The following ASXL2 variants were observed in gnomAD, a reference collection of about 807,000 sequenced individuals.
The protein encoded by ASXL2 is putative Polycomb group protein ASXL2.
Under a neutral mutation model 122.0 loss-of-function variants are expected in ASXL2, and 23 were observed. The ratio of observed to expected loss-of-function variants is 0.19; its 90% CI spans 0.14 to 0.27. The LOEUF is 0.27. ASXL2 is among the 10% of genes least tolerant of loss of function. The pLI is 1.00. For missense variants in ASXL2, 1,518 were observed against 1,713.8 expected (o/e 0.89, Z 2.02); for synonymous variants, 650 against 637.0 (o/e 1.02, Z -0.31).
chr2:25,754,439 G>GA (rs1397137968), intron 10 of ASXL2, among the ~76,000 whole-genome samples: 1 of 152,154 alleles, frequency 6.6e-6, no homozygotes, highest in Non-Finnish European at 1.5e-5. Context: ...CTGGGGGTGA[G>GA]AAGAAGGAGA....
chr2:25,817,371 T>A (rs1485337291), intron 3 of ASXL2, among the ~76,000 whole-genome samples: 2 of 152,242 alleles, frequency 1.3e-5, no homozygotes, highest in African/African-American at 2.4e-5. Flanking sequence ...TTCTATTTTG[T>A]TTTTCCTCAA....
chr2:25,798,636 C>G (rs899879202), intron 5 of ASXL2, among the ~76,000 whole-genome samples: 7 of 152,038 alleles, frequency 4.6e-5, no homozygotes, highest in African/African-American at 1.7e-4. Context: ...TGGTGGCAGG[C>G]ACCTGTAATC....
intron 1 of ASXL2, among the ~76,000 whole-genome samples, chr2:25,858,824 T>C (rs1182696738): frequency 6.6e-6 from 1 of 151,344 alleles, no homozygotes; most frequent in Admixed American, 6.6e-5. Flanking sequence ...TTTTTTTTTT[T>C]TTTTGGAGAT....
intron 1 of ASXL2, among the ~76,000 whole-genome samples, chr2:25,873,091 C>G (rs1206245099): frequency 6.6e-6 from 1 of 151,920 alleles, no homozygotes; most frequent in East Asian, 1.9e-4. Flanking sequence ...TCATCACCCT[C>G]CCACCCTTTC....
At position 25,744,270 on chromosome 2, in the gene ASXL2, G is replaced by A; in HGVS notation, c.2067C>T (p.Thr689=). 6.2e-7 allele frequency: 1 copy of A among 1,613,916 alleles called. No individual in the cohort carries two copies. Among genetic ancestry groups the A allele is most frequent in the Non-Finnish European group, 8.5e-7 (1 of 1,179,856 alleles). The change falls in exon 13 of 13, where the codon ACC becomes ACT. Residue 689 remains threonine (T), a synonymous_variant. Coordinates refer to ENST00000435504, the MANE Select transcript of ASXL2 (RefSeq NM_018263.6). The surrounding 1 kb of genome is among the most constrained non-coding windows in gnomAD (Gnocchi z 4.7). Reference sequence around the variant, plus strand: ...CACCCCCTGGGCCAGGTCCTGGAATGGTCCCTCCAACTGAGGCGGCTGCAG... The same window carrying A: ...CACCCCCTGGGCCAGGTCCTGGAATAGTCCCTCCAACTGAGGCGGCTGCAG... ...AAAAAASVGG[T]IPGPGPGGGQ... is the part of the protein sequence containing the mutation.
Position 25,740,569 on chromosome 2 carries a change from C to T in ASXL2, c.*1460G>A, listed in dbSNP as rs184246452. The stretch of plus-strand genomic sequence containing the variant: ...GCAGGTTTATTTTAATGTTCCTTAA[C>T]CATGACCTAAATATTATGTACTCAC... On this transcript the variant is annotated 3_prime_UTR_variant, in exon 13 of 13. Transcript: ENST00000435504. The T allele has an allele frequency of 3.4e-3, 773 of 229,870 alleles. 2 individuals are homozygous for T. Among genetic ancestry groups the T allele is most frequent in the Non-Finnish European group, 4.9e-3 (568 of 116,060 alleles). The allele number at this position is 229,870 out of a possible 1,614,324, so 14.2% of individuals were successfully genotyped here. A position where few individuals can be genotyped will look rare whatever the true frequency, so the allele number is the denominator to read the frequency against.
At chr2:25,849,831 G>C (rs909228066) in intron 1 of ASXL2, among the ~76,000 whole-genome samples, 1 of 152,108 alleles carries the variant, frequency 6.6e-6, no homozygotes, top group African/African-American at 2.4e-5. Context: ...GAGCTACCAT[G>C]CCTGGCCTAA....
intron 3 of ASXL2, among the ~76,000 whole-genome samples, chr2:25,819,821 T>C (rs575648985): frequency 2.7e-4 from 41 of 152,332 alleles, no homozygotes; most frequent in South Asian, 6.2e-4. Context: ...CCAATGTAGA[T>C]TTCCTATTAA....
At chr2:25,878,086 T>G (rs1490899753) in intron 1 of ASXL2, 80 bp downstream of exon 1, 14 of 1,563,940 alleles carry the variant, frequency 9.0e-6, no homozygotes, top group Non-Finnish European at 1.1e-5. Context: ...CCTGGGCCAG[T>G]GACCTCCCTT....
chr2:25,782,271 G>A lies in ASXL2; in HGVS notation c.404-10731C>T, dbSNP rs2088655965. Among the ~76,000 whole-genome samples, 8 of 151,966 alleles carry A rather than the reference G, an allele frequency of 5.3e-5. No homozygotes were observed. The South Asian group carries it at 1.5e-3, about 28-fold the overall frequency. ...TGATATAAACAACTCTAGGCCAGGC[G>A]CGGTGGCTCATGCCTGTAATCCCAG... On this transcript the variant is annotated intron_variant, in intron 5 of 12. Coordinates refer to ENST00000435504, the MANE Select transcript of ASXL2 (RefSeq NM_018263.6).
At chr2:25,833,666 A>G (rs1003352240) in intron 3 of ASXL2, among the ~76,000 whole-genome samples, 2 of 152,096 alleles carry the variant, frequency 1.3e-5, no homozygotes, top group Non-Finnish European at 2.9e-5. Flanking sequence ...ACTGCACTCC[A>G]GCCTGGGCAA....
At chr2:25,797,502 G>A (rs2088928524) in intron 5 of ASXL2, among the ~76,000 whole-genome samples, 1 of 152,122 alleles carries the variant, frequency 6.6e-6, no homozygotes. Flanking sequence ...ATAAAGGATT[G>A]TTACTCAAAA....
intron 3 of ASXL2, among the ~76,000 whole-genome samples, chr2:25,813,458 TAAAG>T (rs992436203): frequency 3.3e-5 from 5 of 152,114 alleles, no homozygotes; most frequent in African/African-American, 1.2e-4. Flanking sequence ...GATGGATAAA[TAAAG>T]ATTATATACA....
At position 25,740,145 on chromosome 2, in the gene ASXL2, C is replaced by G. The variant is rs1375899887; in HGVS notation, c.*1884G>C. 4.5e-6 allele frequency: 1 copy of G among 223,260 alleles called. No individual in the cohort carries two copies. Among genetic ancestry groups the G allele is most frequent in the African/African-American group, 2.2e-5 (1 of 44,782 alleles). 13.8% of individuals were successfully genotyped at this position (223,260 alleles called of 1,614,324 possible). A position where few individuals can be genotyped will look rare whatever the true frequency, so the allele number is the denominator to read the frequency against. On this transcript the variant is annotated 3_prime_UTR_variant, in exon 13 of 13. Transcript: ENST00000435504. ...TATCGTTCTGGCTGAAGCTGGAACA[C>G]AGATATTAATCCTATATTGGCCTTG...
intron 3 of ASXL2, among the ~76,000 whole-genome samples, chr2:25,826,451 C>A (rs899420506): frequency 6.6e-6 from 1 of 152,130 alleles, no homozygotes; most frequent in Non-Finnish European, 1.5e-5. Flanking sequence ...TCAGTGTCTG[C>A]CAATATTTGT....
In ASXL2 at chr2:25,753,870, G is replaced by A. The variant is rs189817678; in HGVS notation, c.1037-231C>T. Among the ~76,000 whole-genome samples, 319 of 152,262 alleles carry A rather than the reference G, an allele frequency of 2.1e-3. 3 individuals carry two copies. In the Middle Eastern group the frequency reaches 0.027, roughly 13 times the overall value. On this transcript the variant is annotated intron_variant, in intron 10 of 12. Transcript: ENST00000435504. ...TCAGTACTCAGCTGAGGCTGACAAA[G>A]CCTTTTCGCTGGGCTTCCCTGTGGT...
At position 25,734,796 on chromosome 2, in the gene ASXL2, T is replaced by G. The variant is rs1410230855; in HGVS notation, c.*7233A>C. On this transcript the variant is annotated 3_prime_UTR_variant, in exon 13 of 13. Transcript: ENST00000435504. ...CCACAGTTCAATAGAAAACTATTCCTTATCCCACAGAATGTCTCAAATCAA... is the reference window on the plus strand; with the variant it reads ...CCACAGTTCAATAGAAAACTATTCCGTATCCCACAGAATGTCTCAAATCAA... 6.6e-6 allele frequency: 1 copy of G among 152,196 alleles called. No homozygotes were observed. The highest frequency in any genetic ancestry group is 6.5e-5 in the Admixed American group (1 of 15,272). The allele number at this position is 152,196 out of a possible 1,614,324, so 9.4% of individuals were successfully genotyped here.
At chr2:25,813,068 A>G (rs898813079) in intron 3 of ASXL2, among the ~76,000 whole-genome samples, 6 of 152,058 alleles carry the variant, frequency 3.9e-5, no homozygotes, top group Non-Finnish European at 7.4e-5. Context: ...TAAAACCAAG[A>G]AAAAAAACAT....
chr2:25,788,096 A>G (rs2088776819), intron 5 of ASXL2, among the ~76,000 whole-genome samples: 1 of 152,228 alleles, frequency 6.6e-6, no homozygotes, highest in African/African-American at 2.4e-5. Flanking sequence ...TATGACAGAG[A>G]ACACTGCAAT....
Sources: allele counts gnomAD v4.1 joint callset (sites outside exome capture counted in the v4.1 genomes callset), GRCh38; gene constraint gnomAD v4.1.1; non-coding constraint Gnocchi (gnomAD v3.1); transcripts MANE v1.5; gene names NCBI Gene and HGNC (gene_info 2026-07-23, HGNC 2026-07-21).